TUNAR: variants seen among roughly 807,000 people sequenced by gnomAD.
TUNAR encodes the protein protein TUNAR.
chr14:95,887,842 T>G (rs1444347163), intron 2 of TUNAR, among the ~76,000 whole-genome samples: 1 of 152,198 alleles, frequency 6.6e-6, no homozygotes, highest in Non-Finnish European at 1.5e-5. Context: ...TGTGTGGTTA[T>G]TCAGGGTAAT....
chr14:95,887,117 C>T (rs919444711), intron 2 of TUNAR, among the ~76,000 whole-genome samples: 6 of 152,186 alleles, frequency 3.9e-5, no homozygotes, highest in Admixed American at 1.3e-4. Flanking sequence ...GCTCCTGAAA[C>T]GCACCATCAG....
intron 2 of TUNAR, among the ~76,000 whole-genome samples, chr14:95,910,100 T>C (rs1889489860): frequency 6.6e-6 from 1 of 152,228 alleles, no homozygotes; most frequent in African/African-American, 2.4e-5. Flanking sequence ...TTCACTGCCG[T>C]ATCCCTAGTA....
chr14:95,900,111 C>G (rs1178735606), intron 2 of TUNAR, among the ~76,000 whole-genome samples: 1 of 152,102 alleles, frequency 6.6e-6, no homozygotes, highest in Non-Finnish European at 1.5e-5. Flanking sequence ...TTTTTTTCCC[C>G]CATTTATTCA....
Position 95,923,592 on chromosome 14 carries a change from C to T in TUNAR, c.*626C>T, listed in dbSNP as rs530342830. The T allele has an allele frequency of 3.9e-5, 6 of 152,286 alleles. No homozygotes were observed. In the South Asian group the frequency reaches 1.0e-3, roughly 26 times the overall value. 9.4% of individuals were successfully genotyped at this position (152,286 alleles called of 1,614,324 possible). On this transcript the variant is annotated 3_prime_UTR_variant, in exon 3 of 3. Transcript: ENST00000678517. ...AGCATGAACCAAATACTTGGAGAGG[C>T]ACTCCCAGATCCATAGAGCTTTCCT...
intron 2 of TUNAR, among the ~76,000 whole-genome samples, chr14:95,905,686 A>T (rs1274813163): frequency 6.6e-6 from 1 of 152,220 alleles, no homozygotes; most frequent in Non-Finnish European, 1.5e-5. Context: ...CTTTGAGACC[A>T]TGTGAATCTC....
intron 2 of TUNAR, among the ~76,000 whole-genome samples, chr14:95,904,794 G>A (rs572480753): frequency 7.2e-5 from 11 of 152,342 alleles, no homozygotes; most frequent in Admixed American, 3.3e-4. Flanking sequence ...GGGGCTGCCC[G>A]GGCTGGGTAC....
chr14:95,920,226 C>G (rs1889668443), intron 2 of TUNAR, among the ~76,000 whole-genome samples: 1 of 152,094 alleles, frequency 6.6e-6, no homozygotes, highest in African/African-American at 2.4e-5. Flanking sequence ...ACCAATGGTG[C>G]TAGAAGCCAC....
chr14:95,920,110 C>T (rs144720976), intron 2 of TUNAR, among the ~76,000 whole-genome samples: 64 of 152,192 alleles, frequency 4.2e-4, no homozygotes, highest in Middle Eastern at 3.2e-3. Context: ...CTATACACAA[C>T]GACGTGAGCA....
In TUNAR at chr14:95,887,225, G is replaced by A. The variant is rs551702377; in HGVS notation, c.12+10048G>A. On this transcript the variant is annotated intron_variant, in intron 2 of 2. Coordinates refer to ENST00000678517, the Ensembl canonical transcript of TUNAR. Reference sequence around the variant, plus strand: ...CAAACCATCTCATGAGATCATCATCGCTGGCTCCATCTCTTTCTTTCAACT... The same window carrying A: ...CAAACCATCTCATGAGATCATCATCACTGGCTCCATCTCTTTCTTTCAACT... Among the ~76,000 whole-genome samples the A allele has an allele frequency of 2.6e-4, 40 of 152,248 alleles. No individual in the cohort carries two copies. The East Asian group carries it at 2.7e-3, about 10-fold the overall frequency.
At chr14:95,925,159 G>C (rs1002909141) in exon 3 of TUNAR, 1 of 152,244 alleles carries the variant, frequency 6.6e-6, no homozygotes, top group Non-Finnish European at 1.5e-5. Flanking sequence ...CTGTGAGAGA[G>C]GGAGTCTTTT....
exon 3 of TUNAR, chr14:95,924,417 G>T (rs1332058588): frequency 1.3e-5 from 2 of 152,254 alleles, no homozygotes; most frequent in African/African-American, 4.8e-5. Flanking sequence ...ATGGGCCCTT[G>T]CCTGGCTACA....
At chr14:95,912,783 CT>C (rs1566791406) in intron 2 of TUNAR, among the ~76,000 whole-genome samples, 1 of 152,010 alleles carries the variant, frequency 6.6e-6, no homozygotes, top group East Asian at 1.9e-4. Flanking sequence ...GGGCATCTTC[CT>C]TTTTTTCTTT....
chr14:95,925,217 G>A (rs973994214), exon 3 of TUNAR: 6 of 152,242 alleles, frequency 3.9e-5, no homozygotes, highest in Admixed American at 2.0e-4. Context: ...GTCAAGAAAT[G>A]TCCCTGAGAT....
chr14:95,908,499 T>C (rs1380560678), intron 2 of TUNAR, among the ~76,000 whole-genome samples: 2 of 152,226 alleles, frequency 1.3e-5, no homozygotes, highest in African/African-American at 2.4e-5. Context: ...TCATGACAAC[T>C]TACTGAGGAC....
rs941781 is a variant in TUNAR, at chr14:95,908,363, G to A, written c.13-14418G>A. On this transcript the variant is annotated intron_variant, in intron 2 of 2. Coordinates refer to ENST00000678517, the Ensembl canonical transcript of TUNAR. ...GGGTGGGGCTCCTGCCTACTCAGCC[G>A]CTCCAGACGACCTGCCACTGCCATC... Among the ~76,000 whole-genome samples the A allele has an allele frequency of 5.8e-3, 882 of 152,334 alleles. 3 individuals carry two copies. The highest frequency in any genetic ancestry group is 9.6e-3 in the Non-Finnish European group (650 of 68,030).
chr14:95,911,502 C>A (rs1465099922), intron 2 of TUNAR, among the ~76,000 whole-genome samples: 1 of 152,176 alleles, frequency 6.6e-6, no homozygotes, highest in East Asian at 1.9e-4. Flanking sequence ...TTTTAGGTGA[C>A]CACTGAGGTC....
At chr14:95,907,292 T>C (rs2081531472) in intron 2 of TUNAR, among the ~76,000 whole-genome samples, 1 of 152,212 alleles carries the variant, frequency 6.6e-6, no homozygotes, top group African/African-American at 2.4e-5. Context: ...GCATTGGAGC[T>C]TATCTTCAGG....
intron 2 of TUNAR, among the ~76,000 whole-genome samples, chr14:95,893,278 G>A (rs2139658311): frequency 6.6e-6 from 1 of 152,256 alleles, no homozygotes; most frequent in Admixed American, 6.5e-5. Context: ...AGGCAGCCTG[G>A]GAAAGTTAGG....
chr14:95,888,762 T>G (rs1889118367), intron 2 of TUNAR, among the ~76,000 whole-genome samples: 1 of 152,158 alleles, frequency 6.6e-6, no homozygotes, highest in Non-Finnish European at 1.5e-5. Context: ...ACTTCCGGCA[T>G]GTCCTTAGAA....
Sources: gnomAD v4.1 joint callset for allele counts (sites outside exome capture counted in the v4.1 genomes callset) on GRCh38, gnomAD v4.1.1 for gene constraint, MANE v1.5 for transcripts, NCBI Gene and HGNC (gene_info 2026-07-23, HGNC 2026-07-21) for gene names.